The following NAPB variants were observed in gnomAD, a reference collection of about 807,000 sequenced individuals.
The protein encoded by NAPB is beta-soluble NSF attachment protein.
In NAPB, 26 loss-of-function variants were observed where a neutral mutation model predicts 44.7. The observed-to-expected ratio is 0.58, with a 90% confidence interval of 0.43 to 0.81. The LOEUF (loss-of-function observed/expected upper bound fraction) is 0.81. Ranked by LOEUF, NAPB falls within the 30% of genes least tolerant of loss-of-function variation. The pLI, the probability that NAPB is intolerant of heterozygous loss-of-function variation, is 0.00. For synonymous variants in NAPB, 120 were observed against 116.8 expected (o/e 1.03, Z -0.18); for missense variants, 315 against 356.4 (o/e 0.88, Z 0.94).
chr20:23,405,822 C>T (rs1012077975), intron 1 of NAPB, among the ~76,000 whole-genome samples: 3 of 152,122 alleles, frequency 2.0e-5, no homozygotes, highest in Non-Finnish European at 2.9e-5. Flanking sequence ...AATATTAATG[C>T]GCAATATGAG....
chr20:23,406,002 G>A (rs951049560), intron 1 of NAPB, among the ~76,000 whole-genome samples: 5 of 152,134 alleles, frequency 3.3e-5, no homozygotes, highest in African/African-American at 1.2e-4. Context: ...GGGCCTACTG[G>A]GAGGTGTTTA....
At position 23,393,239 on chromosome 20, in the gene NAPB, C is replaced by T. The variant is rs185004344; in HGVS notation, c.420+1683G>A. 5.3e-5 allele frequency among the ~76,000 whole-genome samples: 8 copies of T among 152,166 alleles called. No individual in the cohort carries two copies. The East Asian group carries it at 1.4e-3, about 26-fold the overall frequency. ...CTTCCAAAGAGAAGGCTCACACACA[C>T]GTCAATGCACAGGGTGGCCCTGACT... On this transcript the variant is annotated intron_variant, in intron 5 of 10. Transcript: ENST00000377026.
intron 1 of NAPB, among the ~76,000 whole-genome samples, chr20:23,413,114 C>T (rs1451185349): frequency 6.6e-6 from 1 of 151,918 alleles, no homozygotes; most frequent in East Asian, 1.9e-4. Context: ...CTGGGAAACA[C>T]AGCAAGATTC....
intron 2 of NAPB, among the ~76,000 whole-genome samples, chr20:23,401,580 A>G (rs542433204): frequency 5.4e-4 from 82 of 152,228 alleles, no homozygotes; most frequent in African/African-American, 1.9e-3. Flanking sequence ...ACCAGATACA[A>G]TAAGTAATAA....
At chr20:23,403,162 C>A in intron 1 of NAPB, 90 bp from the exon 2 acceptor site, 2 of 886,420 alleles carry the variant, frequency 2.3e-6, no homozygotes, top group South Asian at 1.5e-5. Flanking sequence ...TATATACTTG[C>A]TATGTGCCAG....
At chr20:23,414,522 C>G (rs1197656048) in intron 1 of NAPB, among the ~76,000 whole-genome samples, 4 of 152,150 alleles carry the variant, frequency 2.6e-5, no homozygotes, top group Non-Finnish European at 5.9e-5. Flanking sequence ...CAACACTAAT[C>G]CCTAATGAAT....
chr20:23,383,474 T>G (rs1425980644), intron 7 of NAPB, among the ~76,000 whole-genome samples: 1 of 152,158 alleles, frequency 6.6e-6, no homozygotes, highest in Non-Finnish European at 1.5e-5. Context: ...CCCAGCACTT[T>G]GGGAGGCTGA....
intron 3 of NAPB, among the ~76,000 whole-genome samples, chr20:23,396,469 G>A (rs970098379): frequency 6.6e-6 from 1 of 152,206 alleles, no homozygotes; most frequent in Non-Finnish European, 1.5e-5. Context: ...CGCTGTGCAC[G>A]CGTGTGGAAG....
At chr20:23,396,406 T>A (rs1984366702) in intron 3 of NAPB, among the ~76,000 whole-genome samples, 1 of 152,250 alleles carries the variant, frequency 6.6e-6, no homozygotes, top group Non-Finnish European at 1.5e-5. Flanking sequence ...ATTTGGGATC[T>A]GTGTGTTAAA....
chr20:23,391,327 C>T (rs1322189512), intron 5 of NAPB, among the ~76,000 whole-genome samples: 1 of 151,838 alleles, frequency 6.6e-6, no homozygotes, highest in African/African-American at 2.4e-5. Context: ...AACAAACAAA[C>T]AAAAAAATAA....
intron 7 of NAPB, among the ~76,000 whole-genome samples, chr20:23,384,201 T>C (rs544007957): frequency 2.0e-5 from 3 of 152,280 alleles, no homozygotes; most frequent in East Asian, 3.9e-4. Flanking sequence ...CAGATTTTGA[T>C]ATATGAGAGA....
At chr20:23,406,058 A>C (rs1188910273) in intron 1 of NAPB, among the ~76,000 whole-genome samples, 1 of 152,184 alleles carries the variant, frequency 6.6e-6, no homozygotes, top group Non-Finnish European at 1.5e-5. Flanking sequence ...GCCACTAATA[A>C]AAGAGCTTGT....
intron 3 of NAPB, among the ~76,000 whole-genome samples, chr20:23,396,518 A>T (rs1293006675): frequency 6.6e-6 from 1 of 152,240 alleles, no homozygotes; most frequent in African/African-American, 2.4e-5. Flanking sequence ...CTTCTAACTA[A>T]AAAGAAATAA....
At chr20:23,400,495 A>G (rs1478362366) in intron 2 of NAPB, among the ~76,000 whole-genome samples, 2 of 152,052 alleles carry the variant, frequency 1.3e-5, no homozygotes, top group East Asian at 3.9e-4. Flanking sequence ...TAGCCTGGAC[A>G]ACAGAGCAAG....
intron 1 of NAPB, among the ~76,000 whole-genome samples, chr20:23,419,242 A>G (rs972701315): frequency 2.6e-5 from 4 of 152,220 alleles, no homozygotes; most frequent in Non-Finnish European, 5.9e-5. Flanking sequence ...ATAATAAACC[A>G]ACCTGTTGTA....
At chr20:23,410,614 T>G (rs1341079021) in intron 1 of NAPB, among the ~76,000 whole-genome samples, 1 of 152,278 alleles carries the variant, frequency 6.6e-6, no homozygotes. Context: ...GGATCATCTG[T>G]ACCCTAAACC....
chr20:23,386,360 C>A (rs910565649), intron 7 of NAPB, among the ~76,000 whole-genome samples: 3 of 152,036 alleles, frequency 2.0e-5, no homozygotes, highest in African/African-American at 7.2e-5. Flanking sequence ...TGAATTCTAC[C>A]AAACATTTAA....
intron 7 of NAPB, among the ~76,000 whole-genome samples, chr20:23,382,522 C>T (rs890330721): frequency 2.0e-5 from 3 of 151,744 alleles, no homozygotes; most frequent in African/African-American, 7.3e-5. Flanking sequence ...TAAAGAAGCC[C>T]TCATAAAAAT....
chr20:23,397,970 G>C (rs528039676), intron 2 of NAPB, among the ~76,000 whole-genome samples: 1 of 152,288 alleles, frequency 6.6e-6, no homozygotes, highest in South Asian at 2.1e-4. Flanking sequence ...AAGAAAGAGG[G>C]AAGGAATCGC....
Sources: allele counts gnomAD v4.1 joint callset (sites outside exome capture counted in the v4.1 genomes callset), GRCh38; gene constraint gnomAD v4.1.1; transcripts MANE v1.5; gene names NCBI Gene and HGNC (gene_info 2026-07-23, HGNC 2026-07-21).